The following LMO7 variants were observed in gnomAD, a reference collection of about 807,000 sequenced individuals.
LMO7 encodes LIM domain 7.
Under a neutral mutation model 206.5 loss-of-function variants are expected in LMO7, and 120 were observed. The ratio of observed to expected loss-of-function variants is 0.58; its 90% CI spans 0.50 to 0.68. LMO7 has a LOEUF of 0.68. LMO7 is among the 30% of genes least tolerant of loss of function. LMO7 has a pLI of 0.00. For missense variants in LMO7, 1,959 were observed against 1,957.9 expected (o/e 1.00, Z -0.01); for synonymous variants, 706 against 681.5 (o/e 1.04, Z -0.56).
chr13:75,778,176 G>C (rs1021390300), intron 4 of LMO7, among the ~76,000 whole-genome samples: 1 of 152,028 alleles, frequency 6.6e-6, no homozygotes, highest in African/African-American at 2.4e-5. Flanking sequence ...TAATTTCTTC[G>C]GTGCTACTTG....
intron 1 of LMO7, among the ~76,000 whole-genome samples, chr13:75,692,943 TAGACA>T (rs1324871192): frequency 6.6e-6 from 1 of 152,200 alleles, no homozygotes; most frequent in Non-Finnish European, 1.5e-5. Context: ...CTGTTTGGCT[TAGACA>T]AGCTAGAGTT....
rs1378169414 is a variant in LMO7 at position 75,636,609 on chromosome 13, C to G, written c.-49C>G. 8 of 1,546,384 alleles carry G rather than the reference C, an allele frequency of 5.2e-6. No homozygotes were observed. In the African/African-American group the frequency reaches 6.8e-5, roughly 13 times the overall value. The stretch of plus-strand genomic sequence containing the variant: ...GGGGCCCAGACGCGCGGGGACAACC[C>G]CTCCCCTCCACGCATCCCGAGTCTC... On this transcript the variant is annotated 5_prime_UTR_variant, in exon 1 of 31. Transcript: ENST00000377534.
chr13:75,758,218 A>T (rs1392650389), intron 3 of LMO7, among the ~76,000 whole-genome samples: 2 of 152,168 alleles, frequency 1.3e-5, no homozygotes, highest in African/African-American at 2.4e-5. Flanking sequence ...TTTCAAGTGA[A>T]AATTATTTCA....
intron 4 of LMO7, among the ~76,000 whole-genome samples, chr13:75,775,211 A>T (rs2050216355): frequency 6.6e-6 from 1 of 152,118 alleles, no homozygotes; most frequent in Non-Finnish European, 1.5e-5. Flanking sequence ...CGGCAGGGAA[A>T]GGGCACCCTA....
At chr13:75,692,586 G>A (rs9593118) in intron 1 of LMO7, among the ~76,000 whole-genome samples, 14,853 of 151,936 alleles carry the variant, frequency 0.098, 796 homozygotes, top group Middle Eastern at 0.11. Flanking sequence ...GGGTCTTTCT[G>A]TGTTGCCCAG....
At chr13:75,695,463 C>T (rs2041829383) in intron 1 of LMO7, among the ~76,000 whole-genome samples, 1 of 152,248 alleles carries the variant, frequency 6.6e-6, no homozygotes, top group South Asian at 2.1e-4. Context: ...TCTCCTGTCT[C>T]AGCCTCCTGA....
intron 1 of LMO7, among the ~76,000 whole-genome samples, chr13:75,674,775 G>C (rs2039873501): frequency 6.6e-6 from 1 of 152,176 alleles, no homozygotes. Context: ...TATCACTTGG[G>C]TATTAGCCTA....
At chr13:75,818,069 G>A (rs1187625173) in intron 12 of LMO7, among the ~76,000 whole-genome samples, 1 of 152,148 alleles carries the variant, frequency 6.6e-6, no homozygotes, top group African/African-American at 2.4e-5. Context: ...CTGAAATGAA[G>A]AAACCCCTGC....
At chr13:75,840,546 T>C (rs1273309713) in intron 22 of LMO7, 51 bp downstream of exon 22, 1 of 1,591,692 alleles carries the variant, frequency 6.3e-7, no homozygotes, top group Middle Eastern at 1.7e-4. Flanking sequence ...TTTCACGGCT[T>C]TTCTCCAGTC....
intron 3 of LMO7, among the ~76,000 whole-genome samples, chr13:75,747,057 C>A (rs2046899873): frequency 6.6e-6 from 1 of 151,834 alleles, no homozygotes; most frequent in South Asian, 2.1e-4. Context: ...TAGCTAATGT[C>A]CTAAATATAA....
chr13:75,769,862 C>CT (rs1432751602), intron 4 of LMO7, among the ~76,000 whole-genome samples: 1 of 152,022 alleles, frequency 6.6e-6, no homozygotes, highest in African/African-American at 2.4e-5. Context: ...TTTTGAAATG[C>CT]TTTTTTCTGT....
At chr13:75,846,700 C>T (rs181532587) in intron 26 of LMO7, among the ~76,000 whole-genome samples, 17 of 152,232 alleles carry the variant, frequency 1.1e-4, no homozygotes, top group Non-Finnish European at 2.2e-4. Context: ...TGTTTTCCCC[C>T]CTTTATTAAC....
chr13:75,836,383 T>A lies in LMO7; in HGVS notation c.3334-14T>A. On this transcript the variant is annotated splice_polypyrimidine_tract_variant and intron_variant, in intron 18 of 30. Transcript: ENST00000377534. ...ACTGGAGAGAATATTAACTAGCATT[T>A]TTACCCTTTCCAGAATATTGAATCC... is the stretch of plus-strand genomic sequence containing the variant. 6.7e-7 allele frequency: 1 copy of A among 1,481,836 alleles called. No homozygotes were observed. The allele number at this position is 1,481,836 out of a possible 1,614,324, so 91.8% of individuals were successfully genotyped here. A position where few individuals can be genotyped will look rare whatever the true frequency, so the allele number is the denominator to read the frequency against.
intron 3 of LMO7, among the ~76,000 whole-genome samples, chr13:75,745,120 G>T (rs1469509960): frequency 6.6e-6 from 1 of 152,184 alleles, no homozygotes; most frequent in African/African-American, 2.4e-5. Flanking sequence ...TTGATCAGGA[G>T]CCTGGAGTGG....
intron 2 of LMO7, among the ~76,000 whole-genome samples, chr13:75,716,270 G>T (rs1388797593): frequency 6.6e-6 from 1 of 152,194 alleles, no homozygotes; most frequent in African/African-American, 2.4e-5. Flanking sequence ...AATTGGAAGT[G>T]TACTGACATT....
intron 1 of LMO7, among the ~76,000 whole-genome samples, chr13:75,705,143 C>T (rs1364703638): frequency 6.6e-6 from 1 of 152,144 alleles, no homozygotes; most frequent in Non-Finnish European, 1.5e-5. Context: ...CAGAGGAAGC[C>T]CCAAGGGCCT....
intron 16 of LMO7, 36 bp from the exon 17 acceptor site, chr13:75,834,190 T>A: frequency 1.3e-6 from 2 of 1,527,508 alleles, no homozygotes; most frequent in Non-Finnish European, 1.8e-6. Flanking sequence ...TGTGGGATTT[T>A]TTTCCCCAAT....
intron 26 of LMO7, among the ~76,000 whole-genome samples, chr13:75,847,632 C>A (rs919945239): frequency 3.3e-5 from 5 of 152,106 alleles, no homozygotes; most frequent in Admixed American, 1.3e-4. Context: ...CTCCCTGTTT[C>A]CTTTTAGAGT....
chr13:75,635,932 T>C (rs2035758873), upstream of LMO7: 1 of 150,740 alleles, frequency 6.6e-6, no homozygotes, highest in African/African-American at 2.5e-5. Context: ...GGAGGTTTCT[T>C]GGCCGGGAAA....
Sources: allele counts gnomAD v4.1 joint callset (sites outside exome capture counted in the v4.1 genomes callset), GRCh38; gene constraint gnomAD v4.1.1; transcripts MANE v1.5; gene names NCBI Gene and HGNC (gene_info 2026-07-23, HGNC 2026-07-21).